Variants in ARHGAP22 observed in about 807,000 individuals in gnomAD.
ARHGAP22 encodes Rho GTPase activating protein 22, also known as rho GTPase-activating protein 22.
In ARHGAP22, 48 loss-of-function variants were observed where a neutral mutation model predicts 59.1. The observed-to-expected ratio is 0.81, with a 90% confidence interval of 0.64 to 1.03. The LOEUF (loss-of-function observed/expected upper bound fraction) is 1.03. Among genes scored for constraint, ARHGAP22 ranks in the 50% least tolerant of loss-of-function variants. The probability of loss-of-function intolerance (pLI) is 0.00; values close to 1 mark genes in which losing one functional copy is unlikely to be tolerated. For missense variants in ARHGAP22, 1,015 were observed against 958.7 expected (o/e 1.06, Z -0.78); for synonymous variants, 445 against 416.4 (o/e 1.07, Z -0.84).
intron 3 of ARHGAP22, among the ~76,000 whole-genome samples, chr10:48,501,126 G>A (rs900723640): frequency 6.6e-6 from 1 of 152,160 alleles, no homozygotes; most frequent in African/African-American, 2.4e-5. Context: ...CATAAAATGG[G>A]ATGCTTTGCA....
intron 4 of ARHGAP22, among the ~76,000 whole-genome samples, chr10:48,474,326 AT>A (rs1215800402): frequency 6.6e-6 from 1 of 152,184 alleles, no homozygotes; most frequent in Non-Finnish European, 1.5e-5. Context: ...TGAATTTTTA[AT>A]TAATTCTAAT....
intron 1 of ARHGAP22, among the ~76,000 whole-genome samples, chr10:48,613,637 A>T (rs1049315047): frequency 6.6e-6 from 1 of 152,068 alleles, no homozygotes; most frequent in African/African-American, 2.4e-5. Flanking sequence ...AGTTTTGGCT[A>T]GGAATATAAC....
At chr10:48,612,565 G>T (rs1295314134) in intron 1 of ARHGAP22, among the ~76,000 whole-genome samples, 1 of 152,180 alleles carries the variant, frequency 6.6e-6, no homozygotes, top group Non-Finnish European at 1.5e-5. Flanking sequence ...TCCTCCCCAG[G>T]CTCTTCCTGC....
exon 1 of ARHGAP22, chr10:48,652,357 A>G (rs1455421803): frequency 4.6e-6 from 6 of 1,307,104 alleles, no homozygotes; most frequent in African/African-American, 1.5e-5. Flanking sequence ...CCTCAAGCAG[A>G]CAAGCTAATT....
chr10:48,624,266 C>T (rs1469404034), intron 1 of ARHGAP22: 2 of 152,220 alleles, frequency 1.3e-5, no homozygotes, highest in African/African-American at 4.8e-5. Context: ...ATGGTGAAAC[C>T]CTGTCTCTGC....
intron 5 of ARHGAP22, among the ~76,000 whole-genome samples, chr10:48,456,217 T>G (rs2046487407): frequency 6.6e-6 from 1 of 152,204 alleles, no homozygotes. Flanking sequence ...CAGGAGACTG[T>G]GGCTGTGCCA....
At chr10:48,508,868 C>T (rs1231145636) in intron 3 of ARHGAP22, among the ~76,000 whole-genome samples, 1 of 152,242 alleles carries the variant, frequency 6.6e-6, no homozygotes, top group East Asian at 1.9e-4. Flanking sequence ...GCATTGCTAA[C>T]TAACAGTGAC....
At chr10:48,638,487 T>C (rs1251915635) in intron 1 of ARHGAP22, among the ~76,000 whole-genome samples, 4 of 152,084 alleles carry the variant, frequency 2.6e-5, no homozygotes, top group African/African-American at 9.7e-5. Context: ...AATCATCTCA[T>C]TACCCAGCTA....
chr10:48,524,517 G>A (rs1288798320), intron 3 of ARHGAP22, among the ~76,000 whole-genome samples: 2 of 152,096 alleles, frequency 1.3e-5, no homozygotes, highest in Admixed American at 1.3e-4. Flanking sequence ...GAGCCAAGCA[G>A]GGGTGGGGGG....
intron 4 of ARHGAP22, 46 bp from the exon 5 acceptor site, chr10:48,459,937 G>T: frequency 6.3e-7 from 1 of 1,579,956 alleles, no homozygotes. Context: ...ACCCAGCTCA[G>T]TGTTGGGTGC....
upstream of ARHGAP22, among the ~76,000 whole-genome samples, chr10:48,609,608 G>A (rs918255500): frequency 3.9e-5 from 6 of 152,160 alleles, no homozygotes; most frequent in South Asian, 2.1e-4. Context: ...TACTATAGCC[G>A]ACATTCTCAC....
At chr10:48,537,199 CG>C (rs965439443) in intron 3 of ARHGAP22, among the ~76,000 whole-genome samples, 1 of 152,198 alleles carries the variant, frequency 6.6e-6, no homozygotes, top group Non-Finnish European at 1.5e-5. Flanking sequence ...GCAGCCCTTG[CG>C]GGGTGGCTGG....
upstream of ARHGAP22, chr10:48,605,085 G>C (rs1489762954): frequency 2.3e-6 from 3 of 1,332,882 alleles, 1 homozygote; most frequent in Non-Finnish European, 9.6e-7. Flanking sequence ...GACCAGGGCG[G>C]GGCAGTCCCT....
At chr10:48,477,861 GGAGT>G (rs1307288733) in intron 4 of ARHGAP22, among the ~76,000 whole-genome samples, 1 of 152,138 alleles carries the variant, frequency 6.6e-6, no homozygotes, top group Admixed American at 6.5e-5. Context: ...AGGAGTTTGG[GGAGT>G]GAGTAATTTG....
chr10:48,479,517 A>G, intron 4 of ARHGAP22, 119 bp downstream of exon 4: 2 of 1,569,324 alleles, frequency 1.3e-6, no homozygotes, highest in East Asian at 4.5e-5. Flanking sequence ...TGTGAGAAGC[A>G]CAGGATGCAG....
intron 1 of ARHGAP22, among the ~76,000 whole-genome samples, chr10:48,647,883 C>G (rs555469056): frequency 1.3e-5 from 2 of 152,120 alleles, no homozygotes; most frequent in Non-Finnish European, 2.9e-5. Flanking sequence ...CTGATTCACA[C>G]GAGAACATGA....
At chr10:48,524,027 G>A (rs1407081025) in intron 3 of ARHGAP22, 4 of 1,466,868 alleles carry the variant, frequency 2.7e-6, no homozygotes, top group East Asian at 2.9e-5. Context: ...CGCAGGGAGC[G>A]GGGCGCACGT....
chr10:48,560,647 T>C (rs567468729), intron 2 of ARHGAP22, among the ~76,000 whole-genome samples: 1 of 152,270 alleles, frequency 6.6e-6, no homozygotes, highest in East Asian at 1.9e-4. Context: ...TTTCCATAGA[T>C]GGCTTTTCAC....
chr10:48,575,831 C>CA (rs1445780866), intron 2 of ARHGAP22, among the ~76,000 whole-genome samples: 1 of 152,188 alleles, frequency 6.6e-6, no homozygotes, highest in Admixed American at 6.5e-5. Context: ...CCAAGGCCCC[C>CA]AGCCCTTGTT....
Sources: allele counts gnomAD v4.1 joint callset (sites outside exome capture counted in the v4.1 genomes callset), GRCh38; gene constraint gnomAD v4.1.1; transcripts MANE v1.5; gene names NCBI Gene and HGNC (gene_info 2026-07-23, HGNC 2026-07-21).